DDX23: variants seen among roughly 807,000 people sequenced by gnomAD.
The protein encoded by DDX23 is probable ATP-dependent RNA helicase DDX23.
A neutral mutation model predicts 102.7 loss-of-function variants in DDX23; 33 were observed. The observed-to-expected ratio is 0.32, with a 90% CI of 0.24 to 0.43. DDX23 has a LOEUF of 0.43. DDX23 is among the 20% of genes least tolerant of loss of function. The pLI is 1.00. For missense variants in DDX23, 549 were observed against 1,086.6 expected (o/e 0.51, Z 6.96); for synonymous variants, 352 against 376.0 (o/e 0.94, Z 0.74).
At chr12:48,833,561 C>A in intron 12 of DDX23, 42 bp from the exon 13 acceptor site, 1 of 1,595,900 alleles carries the variant, frequency 6.3e-7, no homozygotes, top group South Asian at 1.1e-5. Context: ...AGCAGGTGCC[C>A]CTTCTTTTCT....
intron 2 of DDX23, 107 bp from the exon 3 acceptor site, chr12:48,844,157 A>G: frequency 1.0e-6 from 1 of 998,846 alleles, no homozygotes; most frequent in Non-Finnish European, 1.6e-6. Flanking sequence ...ATGTTTTACA[A>G]ATTAGAGAAT....
Position 48,832,416 on chromosome 12 carries a change from T to G in DDX23, c.1955+6A>C. 9 of 1,612,348 alleles carry G rather than the reference T, an allele frequency of 5.6e-6. No homozygotes were observed. Among genetic ancestry groups the G allele is most frequent in the Non-Finnish European group, 7.6e-6 (9 of 1,178,600 alleles). ...CCTGTTTCCCCTGGCTCAGCTGCCC[T>G]CATACCTCTTTTCTGACTCTGACAT... On this transcript the variant is annotated splice_donor_region_variant and intron_variant, in intron 14 of 16. Transcript: ENST00000308025. The surrounding 1 kb of genome is among the most constrained non-coding windows in gnomAD (Gnocchi z 4.4).
chr12:48,838,762 A>G (rs1463772410), intron 5 of DDX23, among the ~76,000 whole-genome samples: 1 of 151,974 alleles, frequency 6.6e-6, no homozygotes, highest in African/African-American at 2.4e-5. Flanking sequence ...CTGAGGCAGG[A>G]GAATTGCTTG....
chr12:48,850,205 T>C (rs954395520), intron 1 of DDX23, among the ~76,000 whole-genome samples: 4 of 151,862 alleles, frequency 2.6e-5, no homozygotes, highest in African/African-American at 9.7e-5. Context: ...GCGATGGAGA[T>C]GGAAAGAAGT....
chr12:48,842,585 A>G (rs1334593930), intron 3 of DDX23, among the ~76,000 whole-genome samples: 2 of 137,978 alleles, frequency 1.4e-5, no homozygotes, highest in African/African-American at 5.4e-5. Flanking sequence ...CGCCCCGTCC[A>G]GGAGGTGAGG....
Position 48,837,741 on chromosome 12 carries a change from C to A in DDX23, c.620-84G>T. 1.1e-5 allele frequency: 18 copies of A among 1,566,430 alleles called. No individual in the cohort carries two copies. In the Admixed American group the frequency reaches 1.8e-4, roughly 16 times the overall value. ...ATGGAGGGAATCCAGACGAGGAACC[C>A]CAAATGAAGAAAAAAAGGGGTAGAC... On this transcript the variant is annotated intron_variant, in intron 6 of 16. Transcript: ENST00000308025.
chr12:48,837,165 T>C (rs1592201073), intron 8 of DDX23, 116 bp downstream of exon 8: 1 of 1,544,564 alleles, frequency 6.5e-7, no homozygotes, highest in East Asian at 2.3e-5. Context: ...GCTGGCTGAC[T>C]ACCAGTCTAC....
chr12:48,845,197 T>A (rs1389071381), intron 2 of DDX23, among the ~76,000 whole-genome samples: 8 of 148,416 alleles, frequency 5.4e-5, no homozygotes, highest in Non-Finnish European at 1.0e-4. Flanking sequence ...CTCACGCCTA[T>A]AATCTCAGCA....
intron 5 of DDX23, among the ~76,000 whole-genome samples, chr12:48,838,379 G>C (rs1398202920): frequency 1.3e-5 from 2 of 151,840 alleles, no homozygotes; most frequent in Admixed American, 1.3e-4. Context: ...AGCAGACCTT[G>C]TTTCTACAAA....
chr12:48,831,063 A>G, intron 16 of DDX23, 79 bp downstream of exon 16: 2 of 1,536,530 alleles, frequency 1.3e-6, no homozygotes, highest in South Asian at 2.3e-5. Context: ...CCTTCCATGG[A>G]CAGCACCCTG....
At position 48,836,304 on chromosome 12, in the gene DDX23, G is replaced by C; in HGVS notation, c.1237-38C>G. 1 of 1,606,792 alleles carries C rather than the reference G, an allele frequency of 6.2e-7. No homozygotes were observed. ...CAAGAAAGAGTAATAGGTACAGGGA[G>C]AGTTATACCACCTGGGCAACCACTG... On this transcript the variant is annotated intron_variant, in intron 10 of 16. Coordinates refer to ENST00000308025, the MANE Select transcript of DDX23 (RefSeq NM_004818.3). The surrounding 1 kb of genome is among the most constrained non-coding windows in gnomAD (Gnocchi z 6.1).
rs202123123 is a variant in DDX23 at position 48,838,093 on chromosome 12, T to C, written c.481-13A>G. 6.3e-5 allele frequency: 102 copies of C among 1,613,906 alleles called. No homozygotes were observed. Among genetic ancestry groups the C allele is most frequent in the Non-Finnish European group, 7.0e-5 (83 of 1,179,998 alleles). ...AGAGGAACTTGGGCTACAAAAGAGA[T>C]TGGAACTGTCAACAAAGGATCTGGG... On this transcript the variant is annotated splice_polypyrimidine_tract_variant and intron_variant, in intron 5 of 16. Transcript: ENST00000308025.
chr12:48,833,047 G>A (rs763667342), intron 13 of DDX23: 28 of 573,186 alleles, frequency 4.9e-5, no homozygotes, highest in Non-Finnish European at 7.6e-5. Flanking sequence ...GTAGTGGCAC[G>A]ACCTCAGCTC....
chr12:48,846,586 T>G (rs746591628), intron 1 of DDX23, among the ~76,000 whole-genome samples: 17 of 152,156 alleles, frequency 1.1e-4, no homozygotes, highest in Non-Finnish European at 1.5e-5. Flanking sequence ...AGAAACACAC[T>G]TTTACTCAGA....
intron 1 of DDX23, among the ~76,000 whole-genome samples, chr12:48,851,598 G>A (rs1316017019): frequency 2.6e-5 from 4 of 152,246 alleles, no homozygotes; most frequent in African/African-American, 9.6e-5. Flanking sequence ...ACTTGTAAAA[G>A]GTGATGTGGA....
chr12:48,836,878 A>G lies in DDX23; in HGVS notation c.1010+16T>C. The G allele has an allele frequency of 1.9e-6, 3 of 1,613,838 alleles. No individual in the cohort carries two copies. Among genetic ancestry groups the G allele is most frequent in the Non-Finnish European group, 2.5e-6 (3 of 1,179,998 alleles). ...CCTCTGGGCTCTGTCCAGCCACCCT[A>G]GCCTTGATCACTCACTCCTCCTGCT... On this transcript the variant is annotated intron_variant, in intron 9 of 16. Coordinates refer to ENST00000308025, the MANE Select transcript of DDX23 (RefSeq NM_004818.3). This position sits in a 1 kb window ranked among gnomAD's most constrained non-coding sequence, Gnocchi z 6.1.
At position 48,851,076 on chromosome 12, in the gene DDX23, C is replaced by G. The variant is rs558747142; in HGVS notation, c.-1+1008G>C. 7.2e-5 allele frequency among the ~76,000 whole-genome samples: 11 copies of G among 152,214 alleles called. No individual in the cohort carries two copies. The East Asian group carries it at 1.7e-3, about 24-fold the overall frequency. On this transcript the variant is annotated intron_variant, in intron 1 of 16. Coordinates refer to ENST00000308025, the MANE Select transcript of DDX23 (RefSeq NM_004818.3). ...GGCAGGGGCACATTCTTTTTTTTCA[C>G]TCAATGACGTATTTAACAAGCATCT...
At chr12:48,844,952 A>C (rs1411116000) in intron 2 of DDX23, among the ~76,000 whole-genome samples, 1 of 151,134 alleles carries the variant, frequency 6.6e-6, no homozygotes, top group Non-Finnish European at 1.5e-5. Context: ...CGGAAGATTG[A>C]GATCAGCCTG....
rs758729720 is a variant in DDX23 at position 48,833,243 on chromosome 12, T to C, written c.1803+34A>G. 2.5e-6 allele frequency: 4 copies of C among 1,612,486 alleles called. No homozygotes were observed. In the South Asian group the frequency reaches 4.4e-5, roughly 18 times the overall value. ...CAAGTGATCCACCCGCCTTGGCCTG[T>C]CCAACTTTTCCCAGCCCAGGGAAGC... On this transcript the variant is annotated intron_variant, in intron 13 of 16. Transcript: ENST00000308025.
Sources: allele counts gnomAD v4.1 joint callset (sites outside exome capture counted in the v4.1 genomes callset), GRCh38; gene constraint gnomAD v4.1.1; non-coding constraint Gnocchi (gnomAD v3.1); transcripts MANE v1.5; gene names NCBI Gene and HGNC (gene_info 2026-07-23, HGNC 2026-07-21).